Variants in IGSF10 observed in about 807,000 individuals in gnomAD.
IGSF10 encodes calvaria mechanical force protein 608.
In IGSF10, 126 loss-of-function variants were observed where a neutral mutation model predicts 128.2. The observed-to-expected ratio is 0.98, with a 90% CI of 0.85 to 1.14. The LOEUF is 1.14. Among genes scored for constraint, IGSF10 ranks in the 50% most tolerant of loss-of-function variants. The pLI is 0.00. For missense variants in IGSF10, 3,295 were observed against 3,149.8 expected (o/e 1.05, Z -1.10); for synonymous variants, 1,185 against 1,146.2 (o/e 1.03, Z -0.68).
downstream of IGSF10, chr3:151,435,062 C>CTTTTTTTTTTTTTTTTT (rs66791814): frequency 8.4e-6 from 1 of 119,082 alleles, no homozygotes; most frequent in Non-Finnish European, 1.7e-5. Context: ...TGAGAGGTTT[C>CTTTTTTTTTTTTTTTTT]TTTTTTTTTT....
chr3:151,613,436 T>C, the IGSF10 span, among the ~76,000 whole-genome samples: 1 of 152,172 alleles, frequency 6.6e-6, no homozygotes, highest in African/African-American at 2.4e-5. Flanking sequence ...ACTACAAGGC[T>C]ACAGTAACCA....
chr3:151,484,503 G>A, the IGSF10 span, among the ~76,000 whole-genome samples: 1 of 152,124 alleles, frequency 6.6e-6, no homozygotes, highest in African/African-American at 2.4e-5. Context: ...TATCCTGACT[G>A]GGAGACACCT....
At chr3:151,560,683 C>T in the IGSF10 span, among the ~76,000 whole-genome samples, 1 of 141,838 alleles carries the variant, frequency 7.1e-6, no homozygotes, top group East Asian at 2.1e-4. Context: ...AGATCTATAA[C>T]AAATTATGCA....
At chr3:151,604,622 CACACAT>C in the IGSF10 span, among the ~76,000 whole-genome samples, 12 of 144,364 alleles carry the variant, frequency 8.3e-5, no homozygotes, top group Admixed American at 2.1e-4. Flanking sequence ...CACACACACA[CACACAT>C]ATATATATAT....
the IGSF10 span, among the ~76,000 whole-genome samples, chr3:151,541,480 A>T: frequency 6.6e-6 from 1 of 152,202 alleles, no homozygotes. Flanking sequence ...AGTCATATAG[A>T]TGAGATTTAA....
At chr3:151,595,373 T>A in the IGSF10 span, among the ~76,000 whole-genome samples, 1 of 152,014 alleles carries the variant, frequency 6.6e-6, no homozygotes, top group Non-Finnish European at 1.5e-5. Context: ...GCAACCTAAG[T>A]GTCCATTGAT....
At chr3:151,528,141 AC>A in the IGSF10 span, among the ~76,000 whole-genome samples, 1 of 152,128 alleles carries the variant, frequency 6.6e-6, no homozygotes, top group Admixed American at 6.6e-5. Flanking sequence ...TTTAGATAGG[AC>A]CTGGCATAAG....
chr3:151,607,912 GAAAAAAAA>G, the IGSF10 span, among the ~76,000 whole-genome samples: 896 of 42,156 alleles, frequency 0.021, 15 homozygotes, highest in African/African-American at 0.089. Context: ...CTCCATCTCG[GAAAAAAAA>G]AAAAAAAAAA....
the IGSF10 span, among the ~76,000 whole-genome samples, chr3:151,599,307 G>A: frequency 6.6e-6 from 1 of 152,148 alleles, no homozygotes; most frequent in African/African-American, 2.4e-5. Context: ...CTGAGGATAG[G>A]CCAGCACCAC....
At chr3:151,568,345 AAAATC>A in the IGSF10 span, among the ~76,000 whole-genome samples, 1 of 152,180 alleles carries the variant, frequency 6.6e-6, no homozygotes, top group Non-Finnish European at 1.5e-5. Context: ...TGTGCAAACC[AAAATC>A]CTTTTATTAT....
At chr3:151,553,610 C>G in the IGSF10 span, among the ~76,000 whole-genome samples, 2 of 148,936 alleles carry the variant, frequency 1.3e-5, no homozygotes, top group Admixed American at 1.3e-4. Context: ...CTCTCTCTCT[C>G]TGTGTCTCTG....
chr3:151,438,413 C>G lies in IGSF10; in HGVS notation c.6148G>C (p.Val2050Leu). ...IDHKQYFRKQ[V>L]LHGKDFQVDC... ...ACTTGGAAATCTTTCCCATGGAGCACTTGCTTTCTAAAATACTGCTTGTGG... is the reference window on the plus strand; with the variant it reads ...ACTTGGAAATCTTTCCCATGGAGCAGTTGCTTTCTAAAATACTGCTTGTGG... The change falls in exon 8 of 8, where the codon GTG becomes CTG. Residue 2050 changes from valine (V) to leucine (L), a missense_variant. Coordinates refer to ENST00000282466, the MANE Select transcript of IGSF10 (RefSeq NM_178822.5). The G allele has an allele frequency of 6.2e-7, 1 of 1,614,124 alleles. No homozygotes were observed. Among genetic ancestry groups the G allele is most frequent in the South Asian group, 1.1e-5 (1 of 91,080 alleles).
chr3:151,515,841 C>T, the IGSF10 span, among the ~76,000 whole-genome samples: 1 of 151,562 alleles, frequency 6.6e-6, no homozygotes, highest in Non-Finnish European at 1.5e-5. Context: ...ACAATCAAAA[C>T]TTCAGGTACA....
the IGSF10 span, among the ~76,000 whole-genome samples, chr3:151,578,202 A>T: frequency 6.6e-6 from 1 of 152,206 alleles, no homozygotes; most frequent in Admixed American, 6.5e-5. Flanking sequence ...AAATTACCTA[A>T]ATTTTTAATA....
At chr3:151,545,513 T>C in the IGSF10 span, among the ~76,000 whole-genome samples, 1 of 152,200 alleles carries the variant, frequency 6.6e-6, no homozygotes, top group Non-Finnish European at 1.5e-5. Flanking sequence ...TTTGGTCTTA[T>C]GGTTTAGCCC....
chr3:151,487,266 C>A, the IGSF10 span, among the ~76,000 whole-genome samples: 1 of 152,226 alleles, frequency 6.6e-6, no homozygotes, highest in African/African-American at 2.4e-5. Context: ...ATACACCCTC[C>A]CAAGACTAAA....
At chr3:151,519,465 G>A in the IGSF10 span, among the ~76,000 whole-genome samples, 1 of 151,746 alleles carries the variant, frequency 6.6e-6, no homozygotes, top group Non-Finnish European at 1.5e-5. Context: ...CTAAAGGGAG[G>A]TTAAGTTGGG....
the IGSF10 span, among the ~76,000 whole-genome samples, chr3:151,587,124 G>A: frequency 6.6e-6 from 1 of 152,100 alleles, no homozygotes; most frequent in South Asian, 2.1e-4. Context: ...ACAACTTATG[G>A]CAATTCATTA....
chr3:151,489,179 C>T, the IGSF10 span, among the ~76,000 whole-genome samples: 8 of 152,080 alleles, frequency 5.3e-5, no homozygotes, highest in South Asian at 1.4e-3. Flanking sequence ...TGAACAGACC[C>T]TTCTCAAAAG....
Sources: allele counts gnomAD v4.1 joint callset (sites outside exome capture counted in the v4.1 genomes callset), GRCh38; gene constraint gnomAD v4.1.1; transcripts MANE v1.5; gene names NCBI Gene and HGNC (gene_info 2026-07-23, HGNC 2026-07-21).